Variants in KCNIP4 observed in about 807,000 individuals in gnomAD.
The protein encoded by KCNIP4 is potassium voltage-gated channel interacting protein 4.
In KCNIP4, 12 loss-of-function variants were observed where a neutral mutation model predicts 34.0. The ratio of observed to expected loss-of-function variants is 0.35; its 90% CI spans 0.23 to 0.57. The LOEUF (loss-of-function observed/expected upper bound fraction) is 0.57. Ranked by LOEUF, KCNIP4 falls within the 20% of genes least tolerant of loss-of-function variation. The pLI is 0.83. For missense variants in KCNIP4, 238 were observed against 311.7 expected (o/e 0.76, Z 1.78); for synonymous variants, 124 against 102.2 (o/e 1.21, Z -1.29).
intron 1 of KCNIP4, among the ~76,000 whole-genome samples, chr4:21,640,914 T>C (rs1335468754): frequency 6.6e-6 from 1 of 152,150 alleles, no homozygotes; most frequent in Non-Finnish European, 1.5e-5. Context: ...AGGACAACCA[T>C]AGTGCATACT....
chr4:21,157,497 G>A (rs1753228845), intron 1 of KCNIP4, among the ~76,000 whole-genome samples: 1 of 151,940 alleles, frequency 6.6e-6, no homozygotes, highest in Non-Finnish European at 1.5e-5. Context: ...AATAGTTTAG[G>A]AAACACTGGC....
At chr4:21,818,464 C>A (rs1722123423) in intron 1 of KCNIP4, among the ~76,000 whole-genome samples, 1 of 152,162 alleles carries the variant, frequency 6.6e-6, no homozygotes, top group South Asian at 2.1e-4. Context: ...ATTGAAAACC[C>A]CTGATACATA....
chr4:21,359,892 T>C (rs951103513), intron 1 of KCNIP4, among the ~76,000 whole-genome samples: 2 of 152,140 alleles, frequency 1.3e-5, no homozygotes, highest in African/African-American at 2.4e-5. Context: ...GATGAAGAAA[T>C]ATAATGTAGA....
chr4:21,041,190 T>A (rs1007062867), intron 1 of KCNIP4, among the ~76,000 whole-genome samples: 3 of 151,530 alleles, frequency 2.0e-5, no homozygotes, highest in African/African-American at 4.9e-5. Flanking sequence ...ATGTGACATG[T>A]GGTAGAGATA....
chr4:21,049,011 C>T (rs1240360259), intron 1 of KCNIP4, among the ~76,000 whole-genome samples: 2 of 134,220 alleles, frequency 1.5e-5, no homozygotes, highest in African/African-American at 5.8e-5. Context: ...AGTGCAGTGG[C>T]GCGATCTCGG....
chr4:21,008,696 T>C (rs1738789969), intron 1 of KCNIP4, among the ~76,000 whole-genome samples: 1 of 151,708 alleles, frequency 6.6e-6, no homozygotes, highest in Non-Finnish European at 1.5e-5. Flanking sequence ...GCTAATTTTT[T>C]TGCATTTTTA....
intron 1 of KCNIP4, among the ~76,000 whole-genome samples, chr4:21,239,202 T>TA (rs1341718996): frequency 6.7e-6 from 1 of 149,690 alleles, no homozygotes; most frequent in Admixed American, 6.7e-5. Flanking sequence ...ATCCCTTCCT[T>TA]ACACCTTATA....
At chr4:21,155,140 G>A (rs1753051343) in intron 1 of KCNIP4, among the ~76,000 whole-genome samples, 1 of 152,202 alleles carries the variant, frequency 6.6e-6, no homozygotes, top group Non-Finnish European at 1.5e-5. Flanking sequence ...GGGAGAGAAA[G>A]ATTAGAGAGT....
At chr4:21,865,861 A>T (rs1389533141) in intron 1 of KCNIP4, among the ~76,000 whole-genome samples, 1 of 151,464 alleles carries the variant, frequency 6.6e-6, no homozygotes, top group Non-Finnish European at 1.5e-5. Flanking sequence ...AACAAATGAG[A>T]CTCCTTTAAA....
At chr4:20,929,193 G>C (rs1478144805) in intron 1 of KCNIP4, among the ~76,000 whole-genome samples, 1 of 151,882 alleles carries the variant, frequency 6.6e-6, no homozygotes, top group African/African-American at 2.4e-5. Flanking sequence ...ATGACCAATA[G>C]GATTTATCCC....
intron 1 of KCNIP4, among the ~76,000 whole-genome samples, chr4:21,088,798 A>G (rs1320533231): frequency 6.6e-6 from 1 of 152,106 alleles, no homozygotes; most frequent in African/African-American, 2.4e-5. Context: ...GCCCATATCA[A>G]ACTGCACTGT....
chr4:21,550,086 AC>A (rs763829513), intron 1 of KCNIP4, among the ~76,000 whole-genome samples: 2 of 151,984 alleles, frequency 1.3e-5, no homozygotes, highest in South Asian at 2.1e-4. Flanking sequence ...AGTGCATATA[AC>A]CCCCTTAGAT....
At chr4:21,466,692 AC>A (rs1346154221) in intron 1 of KCNIP4, among the ~76,000 whole-genome samples, 2 of 151,994 alleles carry the variant, frequency 1.3e-5, no homozygotes, top group Non-Finnish European at 2.9e-5. Flanking sequence ...TGTCCTGGAA[AC>A]CCCATCCCAT....
Position 21,232,399 on chromosome 4 carries a change from A to G in KCNIP4, c.62-349690T>C, listed in dbSNP as rs1758860993. On this transcript the variant is annotated intron_variant, in intron 1 of 8. Coordinates refer to ENST00000382152, the MANE Select transcript of KCNIP4 (RefSeq NM_025221.6). ...GGACTTTATCATTGACTATACAGAT[A>G]AAAAGAAGGAATTCAATAAAAGAAA... is the stretch of plus-strand genomic sequence containing the variant. Among the ~76,000 whole-genome samples, 3 of 152,180 alleles carry G rather than the reference A, an allele frequency of 2.0e-5. No individual in the cohort carries two copies. In the South Asian group the frequency reaches 6.2e-4, roughly 31 times the overall value.
intron 1 of KCNIP4, among the ~76,000 whole-genome samples, chr4:21,312,337 A>G (rs1442059418): frequency 1.3e-5 from 2 of 152,188 alleles, no homozygotes; most frequent in African/African-American, 4.8e-5. Flanking sequence ...AGGAATCCTC[A>G]GACCTTTCCC....
intron 1 of KCNIP4, among the ~76,000 whole-genome samples, chr4:21,667,961 C>T (rs775045619): frequency 6.6e-6 from 1 of 152,136 alleles, no homozygotes. Flanking sequence ...CACTATTTAG[C>T]ATAGTATCTC....
intron 1 of KCNIP4, among the ~76,000 whole-genome samples, chr4:21,587,227 G>C (rs1741695918): frequency 6.6e-6 from 1 of 152,026 alleles, no homozygotes; most frequent in Non-Finnish European, 1.5e-5. Context: ...TTGGGTATAA[G>C]TAACTTTGTG....
chr4:21,083,075 C>A (rs564555386), intron 1 of KCNIP4, among the ~76,000 whole-genome samples: 1 of 151,960 alleles, frequency 6.6e-6, no homozygotes, highest in African/African-American at 2.4e-5. Flanking sequence ...TCAAAGGCTG[C>A]AGTCTTTACC....
At chr4:21,658,211 T>C (rs746153691) in intron 1 of KCNIP4, among the ~76,000 whole-genome samples, 7 of 152,168 alleles carry the variant, frequency 4.6e-5, no homozygotes, top group Non-Finnish European at 1.0e-4. Flanking sequence ...CAACACCAGA[T>C]AAACTTTCTA....
Sources: gnomAD v4.1 joint callset for allele counts (sites outside exome capture counted in the v4.1 genomes callset) on GRCh38, gnomAD v4.1.1 for gene constraint, MANE v1.5 for transcripts, NCBI Gene and HGNC (gene_info 2026-07-23, HGNC 2026-07-21) for gene names.